Variants in MACF1 observed in about 807,000 individuals in gnomAD.
MACF1 encodes the protein microtubule actin crosslinking factor 1, also known as microtubule-actin cross-linking factor 1.
MACF1 carries 193 observed loss-of-function variants against 854.8 expected under a neutral mutation model. The observed-to-expected ratio is 0.23, with a 90% CI of 0.20 to 0.25. The LOEUF (loss-of-function observed/expected upper bound fraction) is 0.25. Among genes scored for constraint, MACF1 ranks in the 10% least tolerant of loss-of-function variants. The probability of loss-of-function intolerance (pLI) is 1.00; values close to 1 mark genes in which losing one functional copy is unlikely to be tolerated. For missense variants in MACF1, 7,722 were observed against 8,929.1 expected (o/e 0.86, Z 5.45); for synonymous variants, 3,185 against 3,226.7 (o/e 0.99, Z 0.44).
chr1:39,180,667 A>G (rs1644093014), intron 2 of MACF1, among the ~76,000 whole-genome samples: 1 of 152,164 alleles, frequency 6.6e-6, no homozygotes, highest in Non-Finnish European at 1.5e-5. Context: ...ACTTTTTTAC[A>G]TATTTGACGC....
At chr1:39,243,541 G>A (rs1644948368) in intron 2 of MACF1, among the ~76,000 whole-genome samples, 1 of 152,004 alleles carries the variant, frequency 6.6e-6, no homozygotes, top group Non-Finnish European at 1.5e-5. Context: ...AGCTGGGATT[G>A]TAGGCATGCA....
At position 39,481,037 on chromosome 1, in the gene MACF1, T is replaced by A. The variant is rs566612521; in HGVS notation, c.22281+7T>A. 1.7e-5 allele frequency: 26 copies of A among 1,534,260 alleles called. No individual in the cohort carries two copies. The Admixed American group carries it at 2.2e-4, about 13-fold the overall frequency. Reference sequence around the variant, plus strand: ...CCAGCTGCCCACCCCCGAGGTAGAGTATGGCTTTGCTGACTGAGGACACAG... The same window carrying A: ...CCAGCTGCCCACCCCCGAGGTAGAGAATGGCTTTGCTGACTGAGGACACAG... On this transcript the variant is annotated splice_region_variant and intron_variant, in intron 99 of 100. Coordinates refer to ENST00000564288, the MANE Select transcript of MACF1 (RefSeq NM_001394062.1).
intron 58 of MACF1, among the ~76,000 whole-genome samples, chr1:39,402,652 A>AT (rs1557632644): frequency 6.6e-6 from 1 of 152,128 alleles, no homozygotes; most frequent in Non-Finnish European, 1.5e-5. Flanking sequence ...ATCCATACTT[A>AT]TTTCTCACCA....
intron 61 of MACF1, among the ~76,000 whole-genome samples, 164 bp from the exon 62 acceptor site, chr1:39,427,291 T>C (rs576515601): frequency 2.8e-4 from 42 of 152,328 alleles, no homozygotes; most frequent in African/African-American, 1.0e-3. Flanking sequence ...AGGTTAATGG[T>C]GTGAAATCCT....
At chr1:39,440,211 C>G (rs952637755) in intron 72 of MACF1, among the ~76,000 whole-genome samples, 9 of 149,106 alleles carry the variant, frequency 6.0e-5, no homozygotes, top group South Asian at 2.1e-4. Flanking sequence ...CTCCCGGGCT[C>G]AAGCAATCCA....
intron 49 of MACF1, among the ~76,000 whole-genome samples, chr1:39,363,299 A>C (rs1290258195): frequency 1.3e-5 from 2 of 152,220 alleles, no homozygotes; most frequent in East Asian, 3.8e-4. Context: ...ATAGGAAGTG[A>C]ATAAGGATAT....
intron 33 of MACF1, among the ~76,000 whole-genome samples, chr1:39,323,837 C>T (rs906513002): frequency 2.0e-5 from 3 of 152,060 alleles, no homozygotes; most frequent in African/African-American, 7.2e-5. Flanking sequence ...AGGCTTCAGT[C>T]TCTTCTCTTC....
At chr1:39,296,811 A>AAAGAAAGAAAGG (rs1491230575) in intron 20 of MACF1, among the ~76,000 whole-genome samples, 1 of 106,392 alleles carries the variant, frequency 9.4e-6, no homozygotes, top group African/African-American at 5.6e-5. Context: ...GAAAAGAAAG[A>AAAGAAAGAAAGG]AAGGAAGGAA....
intron 47 of MACF1, among the ~76,000 whole-genome samples, chr1:39,360,462 A>G (rs1648091672): frequency 6.6e-6 from 1 of 151,960 alleles, no homozygotes; most frequent in African/African-American, 2.4e-5. Flanking sequence ...ACTAATGCTT[A>G]TTGAACTTGG....
chr1:39,378,530 A>G lies in MACF1; in HGVS notation c.13276+7A>G, dbSNP rs367795063. On this transcript the variant is annotated splice_region_variant and intron_variant, in intron 53 of 100. Coordinates refer to ENST00000564288, the MANE Select transcript of MACF1 (RefSeq NM_001394062.1). ...GGATACCACACCTGCAAAGGTGAGA[A>G]TGCCATTTCAACAGTGCTTCTTTGT... 6.2e-7 allele frequency: 1 copy of G among 1,613,176 alleles called. No individual in the cohort carries two copies. Among genetic ancestry groups the G allele is most frequent in the Non-Finnish European group, 8.5e-7 (1 of 1,179,134 alleles).
chr1:39,430,599 G>A, intron 65 of MACF1, 103 bp from the exon 66 acceptor site: 2 of 850,382 alleles, frequency 2.4e-6, no homozygotes, highest in South Asian at 3.0e-5. Context: ...GGAGGTCAGA[G>A]TCCTGCTGGG....
At chr1:39,430,092 A>G in intron 65 of MACF1, 24 bp downstream of exon 65, 1 of 1,591,584 alleles carries the variant, frequency 6.3e-7, no homozygotes, top group East Asian at 2.2e-5. Context: ...TTACCATAAA[A>G]AGAAAAAAAG....
At chr1:39,191,919 A>G (rs1018176991) in intron 2 of MACF1, among the ~76,000 whole-genome samples, 2 of 152,098 alleles carry the variant, frequency 1.3e-5, no homozygotes, top group African/African-American at 4.8e-5. Flanking sequence ...GGGAGGCCGA[A>G]GCAGGTGGAT....
chr1:39,482,720 G>A (rs1303651670), intron 99 of MACF1, among the ~76,000 whole-genome samples: 1 of 150,668 alleles, frequency 6.6e-6, no homozygotes, highest in Non-Finnish European at 1.5e-5. Flanking sequence ...CTTGAACCTG[G>A]GAGGCAGAGG....
At chr1:39,417,651 A>G (rs1569989638) in intron 58 of MACF1, among the ~76,000 whole-genome samples, 4 of 149,364 alleles carry the variant, frequency 2.7e-5, no homozygotes, top group African/African-American at 9.8e-5. Flanking sequence ...GGTTCAAGCA[A>G]TTCTCCTGCC....
rs1209559215 is a variant in MACF1 at position 39,283,600 on chromosome 1, T to C, written c.915+85T>C. The C allele has an allele frequency of 1.1e-5, 10 of 914,394 alleles. No individual in the cohort carries two copies. Among genetic ancestry groups the C allele is most frequent in the African/African-American group, 4.9e-5 (3 of 60,966 alleles). The allele number at this position is 914,394 out of a possible 1,614,324, so 56.6% of individuals were successfully genotyped here. ...GGTTAGACACTTTCTTAAGCACTTA[T>C]GGTATACTCATGGTATCAAACTATA... On this transcript the variant is annotated intron_variant, in intron 9 of 100. Coordinates refer to ENST00000564288, the MANE Select transcript of MACF1 (RefSeq NM_001394062.1). The surrounding 1 kb of genome is among the most constrained non-coding windows in gnomAD (Gnocchi z 4.5).
rs1646767130 is a variant in MACF1 at position 39,333,775 on chromosome 1, A to C, written c.7187A>C (p.Glu2396Ala). 6.2e-7 allele frequency: 1 copy of C among 1,614,228 alleles called. No homozygotes were observed. The highest frequency in any genetic ancestry group is 8.5e-7 in the Non-Finnish European group (1 of 1,180,032). The change falls in exon 37 of 101, where the codon GAA (glutamate) becomes GCA (alanine). Residue 2396 changes from glutamate to alanine, a missense_variant. This residue lies in a region of MACF1 where 1,531 missense variants were observed against 1,601.6 expected (regional missense o/e 0.96). Coordinates refer to ENST00000564288, the MANE Select transcript of MACF1 (RefSeq NM_001394062.1). ...GTTACAGTTGGACTTCTTGACAAGG[A>C]AACAGCCACCAGAATTTTAGAGAGG... ...DAVTVGLLDK[E>A]TATRILERQV...
Position 39,322,873 on chromosome 1 carries a change from G to GCAGAC in MACF1, c.4138-36_4138-32dup, listed in dbSNP as rs777386484. 5 of 1,579,310 alleles carry GCAGAC rather than the reference G, an allele frequency of 3.2e-6. No individual in the cohort carries two copies. The East Asian group carries it at 1.1e-4, about 35-fold the overall frequency. On this transcript the variant is annotated intron_variant, in intron 32 of 100. Coordinates refer to ENST00000564288, the MANE Select transcript of MACF1 (RefSeq NM_001394062.1). Reference sequence around the variant, plus strand: ...TGAACTATTTAAATTTCATTTTCTGGCAGACGATTTATTTAAATTGTTCTT... The same window carrying GCAGAC: ...TGAACTATTTAAATTTCATTTTCTGGCAGACCAGACGATTTATTTAAATTGTTCTT...
rs746043319 is a variant in MACF1, at chr1:39,451,148, G to A, written c.20355G>A (p.Leu6785=). 6.2e-7 allele frequency: 1 copy of A among 1,614,182 alleles called. No homozygotes were observed. The highest frequency in any genetic ancestry group is 8.5e-7 in the Non-Finnish European group (1 of 1,180,018). The part of the protein sequence containing the change: ...VDWLYKVEPQ[L]AEDQPVHGDL... ...GGTTATACAAGGTGGAGCCACAGCTGGCTGAGGACCAGCCCGTGCACGGGG... is the reference window on the plus strand; with the variant it reads ...GGTTATACAAGGTGGAGCCACAGCTAGCTGAGGACCAGCCCGTGCACGGGG... Residue 6785 remains leucine (L), a synonymous_variant, in exon 85 of 101, where the codon CTG becomes CTA. Transcript: ENST00000564288.
Sources: allele counts gnomAD v4.1 joint callset (sites outside exome capture counted in the v4.1 genomes callset), GRCh38; gene constraint gnomAD v4.1.1; regional missense constraint gnomAD v4.1.1; non-coding constraint Gnocchi (gnomAD v3.1); transcripts MANE v1.5; gene names NCBI Gene and HGNC (gene_info 2026-07-23, HGNC 2026-07-21).